UBXN8: variants seen among roughly 807,000 people sequenced by gnomAD.
The protein encoded by UBXN8 is UBX domain protein 8.
In UBXN8, 27 loss-of-function variants were observed where a neutral mutation model predicts 32.1. That is an observed-to-expected ratio of 0.84 (90% CI 0.62 to 1.16). The LOEUF is 1.16. Ranked by LOEUF, UBXN8 falls within the 50% of genes most tolerant of loss-of-function variation. The pLI is 0.00. For missense variants in UBXN8, 306 were observed against 311.4 expected (o/e 0.98, Z 0.13); for synonymous variants, 109 against 111.8 (o/e 0.98, Z 0.16).
intron 3 of UBXN8, 35 bp downstream of exon 3, chr8:30,753,140 G>A: frequency 6.9e-7 from 1 of 1,453,242 alleles, no homozygotes; most frequent in Non-Finnish European, 9.1e-7. Flanking sequence ...TATGCGTAGA[G>A]AAATACAAAA....
At chr8:30,744,093 TC>T (rs3217273), upstream of UBXN8, 912,072 of 1,195,582 alleles carry the variant, frequency 0.76, 361,072 homozygotes, top group Non-Finnish European at 0.82. Flanking sequence ...ATTGACCCTC[TC>T]CCAGCCGGCC....
At chr8:30,737,941 A>G (rs1805103698) in intron 1 of UBXN8, among the ~76,000 whole-genome samples, 1 of 152,204 alleles carries the variant, frequency 6.6e-6, no homozygotes, top group African/African-American at 2.4e-5. Flanking sequence ...CTAAATGTAA[A>G]AGCTAAAATA....
intron 3 of UBXN8, chr8:30,754,188 G>A (rs1805587835): frequency 1.9e-5 from 4 of 208,948 alleles, no homozygotes; most frequent in African/African-American, 7.1e-5. Flanking sequence ...GGCAGTGAGT[G>A]GAGACTGCAC....
At chr8:30,761,919 T>G (rs1805842775) in intron 6 of UBXN8, among the ~76,000 whole-genome samples, 1 of 152,084 alleles carries the variant, frequency 6.6e-6, no homozygotes, top group African/African-American at 2.4e-5. Context: ...TGCCTTCCTG[T>G]CACTGGCCAC....
intron 7 of UBXN8, among the ~76,000 whole-genome samples, chr8:30,765,535 T>TAG (rs1414984200): frequency 2.6e-5 from 4 of 151,690 alleles, no homozygotes; most frequent in Non-Finnish European, 1.5e-5. Context: ...AAAAATTTTA[T>TAG]ATATATATAT....
At chr8:30,737,840 C>T (rs1361983731) in intron 1 of UBXN8, among the ~76,000 whole-genome samples, 1 of 152,032 alleles carries the variant, frequency 6.6e-6, no homozygotes, top group Non-Finnish European at 1.5e-5. Context: ...ACGATTGGAC[C>T]CTGTTAAAAC....
Position 30,744,295 on chromosome 8 carries a change from C to T in UBXN8, c.88+18C>T. The T allele has an allele frequency of 6.2e-7, 1 of 1,607,988 alleles. No individual in the cohort carries two copies. Among genetic ancestry groups the T allele is most frequent in the South Asian group, 1.1e-5 (1 of 90,190 alleles). ...GGATATAGGTAAGTGTGACTTTTTC[C>T]CTTCGACAGTCACAGCTGGGTAATT... is the stretch of plus-strand genomic sequence containing the variant. On this transcript the variant is annotated intron_variant, in intron 1 of 7. Transcript: ENST00000265616.
At chr8:30,752,888 C>G (rs971153166) in intron 2 of UBXN8, 147 bp from the exon 3 acceptor site, 13 of 934,826 alleles carry the variant, frequency 1.4e-5, no homozygotes, top group Non-Finnish European at 1.6e-5. Context: ...ACTATTCAAC[C>G]CAAACATAAA....
At position 30,750,559 on chromosome 8, in the gene UBXN8, T is replaced by C. The variant is rs913507244; in HGVS notation, c.89-837T>C. Among the ~76,000 whole-genome samples, 6 of 151,528 alleles carry C rather than the reference T, an allele frequency of 4.0e-5. No homozygotes were observed. In the East Asian group the frequency reaches 1.2e-3, roughly 29 times the overall value. On this transcript the variant is annotated intron_variant, in intron 1 of 7. Coordinates refer to ENST00000265616, the MANE Select transcript of UBXN8 (RefSeq NM_005671.4). ...AGGCTGAGGCGGGCGGATCATGAGG[T>C]CAGGAGATCGGGACCATCCTGGCTA...
intron 5 of UBXN8, among the ~76,000 whole-genome samples, chr8:30,759,960 AAAAT>A (rs1450317699): frequency 1.4e-5 from 2 of 143,514 alleles, no homozygotes; most frequent in Non-Finnish European, 3.0e-5. Flanking sequence ...CCGTCTCAGA[AAAAT>A]AAATAAATAA....
chr8:30,744,058 C>T, upstream of UBXN8: 1 of 760,460 alleles, frequency 1.3e-6, no homozygotes, highest in Non-Finnish European at 2.2e-6. Context: ...TCAATAACGA[C>T]ACGGCCGTCA....
upstream of UBXN8, among the ~76,000 whole-genome samples, chr8:30,731,657 C>T (rs554263318): frequency 2.0e-5 from 3 of 151,718 alleles, no homozygotes; most frequent in South Asian, 4.2e-4. Context: ...TCTGGCTAAG[C>T]GGTGGCCAAG....
upstream of UBXN8, among the ~76,000 whole-genome samples, chr8:30,742,635 C>A (rs1010015841): frequency 2.0e-5 from 3 of 152,176 alleles, no homozygotes; most frequent in African/African-American, 7.2e-5. Context: ...AGCTACCGCG[C>A]CCGGCCTCAA....
chr8:30,766,231 T>G lies in UBXN8; in HGVS notation c.650T>G (p.Leu217Ter). ...RFLKSYSSQV[L>*]FDWMTRIGYH... ...GCCAAGCTTTTCATCTTCTAGGTCT[T>G]ATTTGACTGGATGACGAGAATTGGG... Residue 217 changes from leucine to a stop codon, truncating the protein, a stop_gained, in exon 8 of 8, where the codon TTA (leucine) becomes TGA (stop). Transcript: ENST00000265616. LOFTEE classifies it high-confidence loss of function. The G allele has an allele frequency of 6.2e-7, 1 of 1,611,222 alleles. No homozygotes were observed. The highest frequency in any genetic ancestry group is 8.5e-7 in the Non-Finnish European group (1 of 1,178,168).
At chr8:30,737,642 C>G (rs545757082) in intron 1 of UBXN8, among the ~76,000 whole-genome samples, 9 of 104,074 alleles carry the variant, frequency 8.6e-5, no homozygotes, top group Admixed American at 2.3e-4. Context: ...AAGCCGTGAT[C>G]TCACCACTGC....
At chr8:30,729,451 T>G (rs1804898980), upstream of UBXN8, among the ~76,000 whole-genome samples, 1 of 152,234 alleles carries the variant, frequency 6.6e-6, no homozygotes, top group Non-Finnish European at 1.5e-5. Flanking sequence ...TTGACTTGAC[T>G]TGAATTGCTT....
upstream of UBXN8, chr8:30,744,100 C>G: frequency 7.9e-7 from 1 of 1,261,686 alleles, no homozygotes; most frequent in Non-Finnish European, 1.1e-6. Context: ...CTCTCCCAGC[C>G]GGCCCGCGGC....
At chr8:30,749,266 G>T (rs1385657214) in intron 1 of UBXN8, among the ~76,000 whole-genome samples, 1 of 151,828 alleles carries the variant, frequency 6.6e-6, no homozygotes, top group African/African-American at 2.4e-5. Flanking sequence ...GGTGGTGCAT[G>T]CCTGTAGTCC....
intron 7 of UBXN8, 122 bp from the exon 8 acceptor site, chr8:30,766,092 GGTATGAAACTTCT>G: frequency 1.4e-6 from 1 of 733,640 alleles, no homozygotes; most frequent in Non-Finnish European, 2.0e-6. Flanking sequence ...TTCTTTGAAA[GGTATGAAACTTCT>G]GTCTCATTAC....
Sources: allele counts gnomAD v4.1 joint callset (sites outside exome capture counted in the v4.1 genomes callset), GRCh38; gene constraint gnomAD v4.1.1; transcripts MANE v1.5; gene names NCBI Gene and HGNC (gene_info 2026-07-23, HGNC 2026-07-21).